NSMCE1: variants seen among roughly 807,000 people sequenced by gnomAD.
NSMCE1 encodes the protein NSE1 component of SMC5/6 complex, also known as non-structural maintenance of chromosomes element 1 homolog.
Under a neutral mutation model 29.6 loss-of-function variants are expected in NSMCE1, and 18 were observed. That is an observed-to-expected ratio of 0.61 (90% confidence interval 0.42 to 0.90). The LOEUF (loss-of-function observed/expected upper bound fraction) is 0.90. Ranked by LOEUF, NSMCE1 falls within the 40% of genes least tolerant of loss-of-function variation. The pLI is 0.00. For synonymous variants in NSMCE1, 124 were observed against 133.4 expected, an observed-to-expected ratio of 0.93 and a Z score of 0.49; for missense variants, 314 against 343.6, an observed-to-expected ratio of 0.91 and a Z score of 0.68.
At chr16:27,234,590 G>A (rs578123000) in intron 3 of NSMCE1, among the ~76,000 whole-genome samples, 4 of 152,358 alleles carry the variant, frequency 2.6e-5, no homozygotes, top group South Asian at 4.1e-4. Flanking sequence ...TGATAGCAAG[G>A]AAATCTGCTT....
At chr16:27,230,113 G>A (rs534163593) in intron 5 of NSMCE1, among the ~76,000 whole-genome samples, 7 of 151,494 alleles carry the variant, frequency 4.6e-5, no homozygotes, top group East Asian at 3.9e-4. Flanking sequence ...ATCAGCAGAC[G>A]CCCAGCTCCC....
chr16:27,228,998 T>C (rs1231288335), intron 5 of NSMCE1, among the ~76,000 whole-genome samples: 1 of 152,006 alleles, frequency 6.6e-6, no homozygotes, highest in African/African-American at 2.4e-5. Flanking sequence ...ACGCACTCGC[T>C]ACCGAACAAG....
At chr16:27,226,208 A>C in intron 6 of NSMCE1, 1 of 215,356 alleles carries the variant, frequency 4.6e-6, no homozygotes, top group Non-Finnish European at 9.4e-6. Context: ...TTGTCCCAGA[A>C]ACTCCGCCCA....
At position 27,233,360 on chromosome 16, in the gene NSMCE1, C is replaced by T. The variant is rs528871215; in HGVS notation, c.337-213G>A. On this transcript the variant is annotated intron_variant, in intron 4 of 7. Transcript: ENST00000361439. ...ACTCAGAGGTCACTTCTATAACATC[C>T]TCCCAAATAAATCATCTTAATGTCC... Among the ~76,000 whole-genome samples the T allele has an allele frequency of 5.8e-4, 89 of 152,312 alleles. 4 individuals are homozygous for T. In the South Asian group the frequency reaches 0.018, roughly 32 times the overall value.
intron 5 of NSMCE1, among the ~76,000 whole-genome samples, chr16:27,229,826 G>A (rs1389165659): frequency 4.6e-5 from 7 of 152,096 alleles, no homozygotes; most frequent in Non-Finnish European, 8.8e-5. Context: ...TGATCTACCC[G>A]CCTTGGCCTC....
At position 27,252,580 on chromosome 16, in the gene NSMCE1, C is replaced by T. The variant is rs533637882; in HGVS notation, c.136+4855G>A. 6.6e-5 allele frequency among the ~76,000 whole-genome samples: 10 copies of T among 152,254 alleles called. No homozygotes were observed. The South Asian group carries it at 1.5e-3, about 22-fold the overall frequency. ...GGATGATCACTTGAGCCTAGGTGTT[C>T]GAGACCAGCCTAGGCCACAGAAGAA... On this transcript the variant is annotated intron_variant, in intron 2 of 7. Coordinates refer to ENST00000361439, the MANE Select transcript of NSMCE1 (RefSeq NM_145080.4).
Position 27,225,716 on chromosome 16 carries a change from G to A in NSMCE1, c.721+10C>T, listed in dbSNP as rs887603606. 3 of 1,613,938 alleles carry A rather than the reference G, an allele frequency of 1.9e-6. No homozygotes were observed. Among genetic ancestry groups the A allele is most frequent in the Admixed American group, 1.7e-5 (1 of 60,014 alleles). ...CAGCCCCTCCCATGAGCTCCTCAGG[G>A]CCCACGCACTTGGGATCTCGTGGGG... is the stretch of plus-strand genomic sequence containing the variant. On this transcript the variant is annotated intron_variant, in intron 7 of 7. Coordinates refer to ENST00000361439, the MANE Select transcript of NSMCE1 (RefSeq NM_145080.4).
chr16:27,242,205 C>T (rs529511067), intron 2 of NSMCE1, among the ~76,000 whole-genome samples: 1 of 152,314 alleles, frequency 6.6e-6, no homozygotes, highest in East Asian at 1.9e-4. Context: ...AATCATATAA[C>T]TTGACTCCTT....
intron 2 of NSMCE1, 80 bp downstream of exon 2, chr16:27,257,355 T>A (rs1008079906): frequency 3.9e-5 from 48 of 1,216,470 alleles, no homozygotes; most frequent in Non-Finnish European, 5.3e-5. Context: ...GTTAACAAGT[T>A]ACATGGTATT....
Position 27,254,061 on chromosome 16 carries a change from T to C in NSMCE1, c.136+3374A>G, listed in dbSNP as rs568572845. 2.0e-5 allele frequency among the ~76,000 whole-genome samples: 3 copies of C among 152,350 alleles called. No individual in the cohort carries two copies. The South Asian group carries it at 6.2e-4, about 32-fold the overall frequency. On this transcript the variant is annotated intron_variant, in intron 2 of 7. Transcript: ENST00000361439. ...CTTGCAATTTCAATCACTCCTTTGTTTCATAATTTTCCTAGAAGCTAAATA... is the reference window on the plus strand; with the variant it reads ...CTTGCAATTTCAATCACTCCTTTGTCTCATAATTTTCCTAGAAGCTAAATA...
At chr16:27,257,252 A>T in intron 2 of NSMCE1, 183 bp downstream of exon 2, 1 of 484,022 alleles carries the variant, frequency 2.1e-6, no homozygotes. Context: ...TGTCAGGTTT[A>T]CTTGGAAAAA....
intron 2 of NSMCE1, among the ~76,000 whole-genome samples, chr16:27,253,135 G>C (rs533003481): frequency 1.3e-5 from 2 of 152,102 alleles, no homozygotes; most frequent in African/African-American, 4.8e-5. Flanking sequence ...AAGTCAAAAT[G>C]TAAGTAAAGT....
At chr16:27,262,488 T>C (rs1180345534) in intron 1 of NSMCE1, among the ~76,000 whole-genome samples, 1 of 151,958 alleles carries the variant, frequency 6.6e-6, no homozygotes, top group African/African-American at 2.4e-5. Flanking sequence ...AAAGAAGCAA[T>C]GGGAAAAAGA....
intron 5 of NSMCE1, among the ~76,000 whole-genome samples, chr16:27,228,136 C>T (rs2083722163): frequency 6.6e-6 from 1 of 152,160 alleles, no homozygotes; most frequent in Non-Finnish European, 1.5e-5. Flanking sequence ...ACCTTCATCC[C>T]CACAGTGCAA....
chr16:27,257,342 C>T lies in NSMCE1; in HGVS notation c.136+93G>A, dbSNP rs77890842. ...GGCTTGAATGCTCAGCTCAGGAGTA[C>T]CGGTTAACAAGTTACATGGTATTGT... On this transcript the variant is annotated intron_variant, in intron 2 of 7. Transcript: ENST00000361439. 3.4e-3 allele frequency: 3,696 copies of T among 1,078,402 alleles called. 117 individuals are homozygous for T. In the African/African-American group the frequency reaches 0.053, roughly 15 times the overall value. The allele number at this position is 1,078,402 out of a possible 1,614,324, so 66.8% of individuals were successfully genotyped here.
At chr16:27,258,319 C>T (rs1419766920) in intron 1 of NSMCE1, among the ~76,000 whole-genome samples, 1 of 152,226 alleles carries the variant, frequency 6.6e-6, no homozygotes, top group African/African-American at 2.4e-5. Flanking sequence ...CCATGGAGCA[C>T]GCAGTGCAGG....
intron 2 of NSMCE1, among the ~76,000 whole-genome samples, chr16:27,245,763 C>T (rs1375605708): frequency 6.6e-6 from 1 of 152,198 alleles, no homozygotes; most frequent in Non-Finnish European, 1.5e-5. Flanking sequence ...GTTATGATCC[C>T]AGACTTTATC....
intron 7 of NSMCE1, 63 bp downstream of exon 7, chr16:27,225,663 T>C (rs1422372011): frequency 4.8e-5 from 77 of 1,602,678 alleles, no homozygotes; most frequent in Non-Finnish European, 6.4e-5. Context: ...AGGGCTTCCC[T>C]GGCACCAGGC....
intron 5 of NSMCE1, among the ~76,000 whole-genome samples, chr16:27,231,267 G>C (rs2083759461): frequency 6.6e-6 from 1 of 152,174 alleles, no homozygotes; most frequent in African/African-American, 2.4e-5. Flanking sequence ...AGCATTTATT[G>C]AGCAGTTGAG....
Sources: gnomAD v4.1 joint callset for allele counts (sites outside exome capture counted in the v4.1 genomes callset) on GRCh38, gnomAD v4.1.1 for gene constraint, MANE v1.5 for transcripts, NCBI Gene and HGNC (gene_info 2026-07-23, HGNC 2026-07-21) for gene names.